NAALADL2: variants seen among roughly 807,000 people sequenced by gnomAD.
The protein encoded by NAALADL2 is N-acetylated alpha-linked acidic dipeptidase like 2, also known as inactive N-acetylated-alpha-linked acidic dipeptidase-like protein 2.
A neutral mutation model predicts 87.2 loss-of-function variants in NAALADL2; 76 were observed. The observed-to-expected ratio is 0.87, with a 90% CI of 0.72 to 1.05. The LOEUF is 1.05. Ranked by LOEUF, NAALADL2 falls within the 50% of genes least tolerant of loss-of-function variation. NAALADL2 has a pLI of 0.00. For missense variants in NAALADL2, 1,089 were observed against 945.8 expected (o/e 1.15, Z -1.99); for synonymous variants, 354 against 331.0 (o/e 1.07, Z -0.75).
chr3:175,345,585 G>C (rs1763069809), intron 5 of NAALADL2, among the ~76,000 whole-genome samples: 2 of 152,198 alleles, frequency 1.3e-5, no homozygotes, highest in South Asian at 2.1e-4. Context: ...GGCACTGTTG[G>C]TGTTCCAGAT....
At chr3:175,545,998 T>G (rs986090571) in intron 9 of NAALADL2, among the ~76,000 whole-genome samples, 1 of 152,124 alleles carries the variant, frequency 6.6e-6, no homozygotes, top group African/African-American at 2.4e-5. Context: ...GGTATTTTGA[T>G]AAGGTAAATA....
intron 3 of NAALADL2, among the ~76,000 whole-genome samples, chr3:175,238,632 C>A (rs1351449902): frequency 2.0e-5 from 3 of 152,060 alleles, no homozygotes; most frequent in African/African-American, 7.2e-5. Flanking sequence ...AAAGCAATTT[C>A]TAGGTGGCTA....
At chr3:175,598,557 A>G (rs1161715887) in intron 10 of NAALADL2, among the ~76,000 whole-genome samples, 1 of 152,102 alleles carries the variant, frequency 6.6e-6, no homozygotes, top group African/African-American at 2.4e-5. Flanking sequence ...TCACCATTTT[A>G]TGGATGATAA....
At chr3:175,685,449 G>GGTGTGTGTGTGT (rs59449046) in intron 11 of NAALADL2, among the ~76,000 whole-genome samples, 237 of 144,686 alleles carry the variant, frequency 1.6e-3, no homozygotes, top group Non-Finnish European at 2.4e-3. Context: ...ACCAACAGGA[G>GGTGTGTGTGTGT]GTGTGTGTGT....
chr3:175,442,852 A>C (rs1469576088), intron 5 of NAALADL2, among the ~76,000 whole-genome samples: 1 of 152,184 alleles, frequency 6.6e-6, no homozygotes, highest in Non-Finnish European at 1.5e-5. Context: ...CTAAAAGTTA[A>C]AGTGCTAAAA....
At chr3:174,915,615 G>T (rs554405039) in intron 1 of NAALADL2, among the ~76,000 whole-genome samples, 2 of 152,020 alleles carry the variant, frequency 1.3e-5, no homozygotes, top group Non-Finnish European at 2.9e-5. Flanking sequence ...GAGAAATTGA[G>T]AGGAAAACAA....
chr3:175,757,375 G>A lies in NAALADL2; in HGVS notation c.2189+1957G>A, dbSNP rs112539956. Among the ~76,000 whole-genome samples, 645 of 152,154 alleles carry A rather than the reference G, an allele frequency of 4.2e-3. 4 individuals are homozygous for A. Among genetic ancestry groups the A allele is most frequent in the African/African-American group, 0.014 (602 of 41,550 alleles). ...CTAAGCACCTGAATATTTGGACCAC[G>A]TGAGGTTTAAGGTGCCCATTAGTAC... On this transcript the variant is annotated intron_variant, in intron 13 of 13. Transcript: ENST00000454872.
chr3:174,790,298 G>A lies in NAALADL2; in HGVS notation c.-9+52552G>A, dbSNP rs144061341. ...GAAGCCTATGTGGCATGCTGCATCCGATTTGCTTTCTTTCCCTCCTTTCCA... is the reference window on the plus strand; with the variant it reads ...GAAGCCTATGTGGCATGCTGCATCCAATTTGCTTTCTTTCCCTCCTTTCCA... On this transcript the variant is annotated intron_variant, in intron 3 of 3. Coordinates refer to the NAALADL2 transcript ENST00000434257. Among the ~76,000 whole-genome samples, 348 of 152,186 alleles carry A rather than the reference G, an allele frequency of 2.3e-3. 1 individual carries two copies. The highest frequency in any genetic ancestry group is 7.8e-3 in the African/African-American group (322 of 41,506).
rs534752068 is a variant in NAALADL2 at position 175,022,898 on chromosome 3, G to A, written c.44-73892G>A. ...AAGTCTAACACTGTACCAGACCCTG[G>A]GGATACAAAGATGAGTGTGATACTC... On this transcript the variant is annotated intron_variant, in intron 1 of 13. Transcript: ENST00000454872. 2.6e-5 allele frequency among the ~76,000 whole-genome samples: 4 copies of A among 152,174 alleles called. 1 individual carries two copies. The highest frequency in any genetic ancestry group is 9.6e-5 in the African/African-American group (4 of 41,544).
Position 175,188,535 on chromosome 3 carries a change from C to T in NAALADL2, c.546-45396C>T, listed in dbSNP as rs555800788. ...GCCAAGCTAATGTAGTTTCCTATGTCCCAGGGAATCAGAGACATGACTGAG... is the reference window on the plus strand; with the variant it reads ...GCCAAGCTAATGTAGTTTCCTATGTTCCAGGGAATCAGAGACATGACTGAG... On this transcript the variant is annotated intron_variant, in intron 2 of 13. Transcript: ENST00000454872. Among the ~76,000 whole-genome samples, 23 of 152,206 alleles carry T rather than the reference C, an allele frequency of 1.5e-4. No homozygotes were observed. The South Asian group carries it at 3.7e-3, about 25-fold the overall frequency.
chr3:175,352,408 C>A (rs1237754967), intron 5 of NAALADL2, among the ~76,000 whole-genome samples: 1 of 152,062 alleles, frequency 6.6e-6, no homozygotes, highest in Non-Finnish European at 1.5e-5. Flanking sequence ...TGTACTGAGA[C>A]CTCATCTGTC....
At chr3:174,799,007 T>A (rs1473220691) in intron 3 of NAALADL2, among the ~76,000 whole-genome samples, 5 of 152,126 alleles carry the variant, frequency 3.3e-5, no homozygotes, top group African/African-American at 1.2e-4. Flanking sequence ...CTGCCTGTAC[T>A]AAAAATACAA....
intron 1 of NAALADL2, among the ~76,000 whole-genome samples, chr3:174,888,263 G>A (rs1410546377): frequency 1.3e-5 from 2 of 152,316 alleles, no homozygotes; most frequent in African/African-American, 4.8e-5. Flanking sequence ...CCATACAACA[G>A]AGGGTTTTGC....
chr3:174,635,744 G>A (rs1460828398), intron 2 of NAALADL2, among the ~76,000 whole-genome samples: 1 of 151,986 alleles, frequency 6.6e-6, no homozygotes, highest in Non-Finnish European at 1.5e-5. Context: ...CTCAGGTGAC[G>A]TGCCTGTTTG....
At chr3:175,302,715 TAGAG>T (rs1486228902) in intron 4 of NAALADL2, among the ~76,000 whole-genome samples, 1 of 152,012 alleles carries the variant, frequency 6.6e-6, no homozygotes, top group Non-Finnish European at 1.5e-5. Flanking sequence ...TAGTACGTAG[TAGAG>T]AGATATTTTA....
intron 4 of NAALADL2, among the ~76,000 whole-genome samples, chr3:175,323,931 T>A (rs1581421900): frequency 6.7e-6 from 1 of 148,314 alleles, no homozygotes; most frequent in Non-Finnish European, 1.5e-5. Flanking sequence ...GGCAGGAGAA[T>A]GGCGTGAACC....
At chr3:174,957,360 G>C (rs1028914857) in intron 1 of NAALADL2, among the ~76,000 whole-genome samples, 8 of 152,136 alleles carry the variant, frequency 5.3e-5, no homozygotes, top group Admixed American at 1.3e-4. Context: ...CTGCAGGCTA[G>C]TTAGCCTAGG....
chr3:175,476,438 A>T (rs1272402790), intron 9 of NAALADL2, among the ~76,000 whole-genome samples: 5 of 152,176 alleles, frequency 3.3e-5, no homozygotes, highest in Non-Finnish European at 7.3e-5. Context: ...TAGAATTCAC[A>T]GGAAAGGGAA....
At chr3:175,629,539 A>T (rs955364467) in intron 11 of NAALADL2, among the ~76,000 whole-genome samples, 1 of 151,548 alleles carries the variant, frequency 6.6e-6, no homozygotes, top group Non-Finnish European at 1.5e-5. Context: ...CTTTTGTGGG[A>T]ATCAGTAAAA....
Sources: gnomAD v4.1 joint callset for allele counts (sites outside exome capture counted in the v4.1 genomes callset) on GRCh38, gnomAD v4.1.1 for gene constraint, MANE v1.5 for transcripts, NCBI Gene and HGNC (gene_info 2026-07-23, HGNC 2026-07-21) for gene names.